AP1M2: variants seen among roughly 807,000 people sequenced by gnomAD.
The protein encoded by AP1M2 is adaptor related protein complex 1 subunit mu 2, also known as AP-1 complex subunit mu-2.
Under a neutral mutation model 54.6 loss-of-function variants are expected in AP1M2, and 41 were observed. That is an observed-to-expected ratio of 0.75 (90% CI 0.59 to 0.97). The LOEUF (loss-of-function observed/expected upper bound fraction) is 0.97. AP1M2 is among the 50% of genes least tolerant of loss of function. The pLI is 0.00. For synonymous variants in AP1M2, 219 were observed against 215.9 expected, an observed-to-expected ratio of 1.01 and a Z score of -0.13; for missense variants, 507 against 561.2, an observed-to-expected ratio of 0.90 and a Z score of 0.98.
rs1240815509 is a variant in AP1M2, at chr19:10,578,934, G to A, written c.846C>T (p.Val282=). 2.5e-6 allele frequency: 4 copies of A among 1,608,004 alleles called. No homozygotes were observed. Among genetic ancestry groups the A allele is most frequent in the Non-Finnish European group, 3.4e-6 (4 of 1,177,220 alleles). ...QVKPLIWIES[V]IEKFSHSRVE... is the part of the protein sequence containing the mutation. ...CGCGGCTGTGGGAGAACTTCTCAAT[G>A]ACAGACTCAATCCAGATCAGTGGCT... is the stretch of plus-strand genomic sequence containing the variant. The change falls in exon 8 of 12, where the codon GTC becomes GTT. Residue 282 remains valine (V), a synonymous_variant. Transcript: ENST00000250244.
At position 10,581,476 on chromosome 19, in the gene AP1M2, T is replaced by C. The variant is rs1917455681; in HGVS notation, c.546+11A>G. 2 of 1,613,430 alleles carry C rather than the reference T, an allele frequency of 1.2e-6. No homozygotes were observed. Among genetic ancestry groups the C allele is most frequent in the African/African-American group, 2.7e-5 (2 of 74,898 alleles). On this transcript the variant is annotated intron_variant, in intron 5 of 11. Coordinates refer to ENST00000250244, the MANE Select transcript of AP1M2 (RefSeq NM_005498.5). ...CCGTGGAAGGGGTGCCGGGGAGGTG[T>C]GCAGGCTCACCAGCAGGTTGACAGA...
At chr19:10,580,556 A>T (rs1157932619) in intron 6 of AP1M2, among the ~76,000 whole-genome samples, 3 of 152,210 alleles carry the variant, frequency 2.0e-5, no homozygotes, top group Admixed American at 1.3e-4. Context: ...CCAGCTACTC[A>T]GGAGGCTGAG....
At chr19:10,581,431 C>T (rs1917452306) in intron 5 of AP1M2, 39 bp from the exon 6 acceptor site, 1 of 1,610,072 alleles carries the variant, frequency 6.2e-7, no homozygotes, top group Non-Finnish European at 8.5e-7. Context: ...AGGCATCAAA[C>T]TCCGTCTCCT....
chr19:10,574,944 AC>A lies in AP1M2; in HGVS notation c.1132del (p.Val378SerfsTer18), dbSNP rs746389036. ...EEVEGRPPIG[V>X]KFEIPYFTVS... is the part of the protein sequence containing the mutation. Reference sequence around the variant, plus strand: ...GGTGAAGTAGGGGATCTCAAACTTGACCCCGATGGGGGGCCGGCCCTCCACC... The same window carrying A: ...GGTGAAGTAGGGGATCTCAAACTTGACCCGATGGGGGGCCGGCCCTCCACC... On this transcript the variant is annotated frameshift_variant, in exon 10 of 12. Transcript: ENST00000250244. LOFTEE classifies it high-confidence loss of function. The A allele has an allele frequency of 6.3e-7, 1 of 1,597,888 alleles. No individual in the cohort carries two copies. The highest frequency in any genetic ancestry group is 1.1e-5 in the South Asian group (1 of 89,366).
chr19:10,586,124 A>C (rs2144774553), intron 1 of AP1M2, among the ~76,000 whole-genome samples: 1 of 152,134 alleles, frequency 6.6e-6, no homozygotes, highest in East Asian at 1.9e-4. Context: ...TCTACTAAAG[A>C]TACAAAAAAT....
intron 9 of AP1M2, 85 bp from the exon 10 acceptor site, chr19:10,575,114 T>C (rs1917190132): frequency 7.5e-7 from 1 of 1,334,974 alleles, no homozygotes; most frequent in African/African-American, 1.5e-5. Context: ...GAGTCAGATC[T>C]GCTCACAGCC....
chr19:10,577,228 G>C lies in AP1M2; in HGVS notation c.1017C>G (p.Asn339Lys). The C allele has an allele frequency of 6.2e-7, 1 of 1,612,486 alleles. No homozygotes were observed. Among genetic ancestry groups the C allele is most frequent in the Non-Finnish European group, 8.5e-7 (1 of 1,179,356 alleles). Residue 339 changes from asparagine (N) to lysine (K), a missense_variant, in exon 9 of 12, where the codon AAC (asparagine) becomes AAG (lysine). Transcript: ENST00000250244. Reference protein sequence around the residue: ...VGSAKYVPERNVVIWSIKSFP... With the variant: ...VGSAKYVPERKVVIWSIKSFP... ...AAGACTTAATACTCCAAATCACGAC[G>C]TTTCTCTCCGGCACATACTTGGCGC...
chr19:10,572,839 CA>C lies in AP1M2; in HGVS notation c.*226del, dbSNP rs916744841. The C allele has an allele frequency of 4.2e-6, 2 of 472,676 alleles. No homozygotes were observed. The highest frequency in any genetic ancestry group is 3.4e-5 in the Admixed American group (1 of 29,414). The allele number at this position is 472,676 out of a possible 1,614,324, so 29.3% of individuals were successfully genotyped here. ...CCTCTTCTATTTCTTCATATAAAATCAGGGGGATGGGGAAAGCTCCAAGGGC... is the reference window on the plus strand; with the variant it reads ...CCTCTTCTATTTCTTCATATAAAATCGGGGGATGGGGAAAGCTCCAAGGGC... On this transcript the variant is annotated 3_prime_UTR_variant, in exon 12 of 12. Coordinates refer to ENST00000250244, the MANE Select transcript of AP1M2 (RefSeq NM_005498.5).
intron 1 of AP1M2, among the ~76,000 whole-genome samples, chr19:10,584,365 G>A (rs1917564496): frequency 6.6e-6 from 1 of 152,154 alleles, no homozygotes; most frequent in Admixed American, 6.6e-5. Context: ...TGGATCATGA[G>A]GTCAAGAGAT....
At chr19:10,576,324 G>A (rs563460234) in intron 9 of AP1M2, among the ~76,000 whole-genome samples, 105 of 145,484 alleles carry the variant, frequency 7.2e-4, no homozygotes, top group Admixed American at 1.7e-3. Context: ...GTGCAGTGGC[G>A]TGATCTCTGC....
intron 10 of AP1M2, among the ~76,000 whole-genome samples, 157 bp from the exon 11 acceptor site, chr19:10,574,649 C>T (rs969953126): frequency 4.6e-5 from 7 of 152,008 alleles, no homozygotes; most frequent in Non-Finnish European, 7.4e-5. Flanking sequence ...GCACAGGCAA[C>T]GGAATGGTGA....
rs972774943 is a variant in AP1M2, at chr19:10,581,023, G to A, written c.673+243C>T. 3.3e-5 allele frequency among the ~76,000 whole-genome samples: 5 copies of A among 152,268 alleles called. No individual in the cohort carries two copies. In the East Asian group the frequency reaches 7.7e-4, roughly 23 times the overall value. On this transcript the variant is annotated intron_variant, in intron 6 of 11. Transcript: ENST00000250244. ...AGTAGGATGTCATCTCTGTAAGAAC[G>A]CGGGTTTGTCTTTTTCTTCACTGCT...
At chr19:10,583,160 G>T (rs2360745) in intron 3 of AP1M2, among the ~76,000 whole-genome samples, 38,520 of 151,180 alleles carry the variant, frequency 0.25, 5,925 homozygotes, top group East Asian at 0.66. Flanking sequence ...GAGACAAGAA[G>T]TCACTTGCTC....
chr19:10,576,513 C>T (rs62128856), intron 9 of AP1M2, among the ~76,000 whole-genome samples: 2 of 151,804 alleles, frequency 1.3e-5, no homozygotes, highest in Admixed American at 6.6e-5. Context: ...CCGCCCACCT[C>T]GGCCTCCCAA....
At chr19:10,579,121 C>T (rs73018656) in intron 7 of AP1M2, among the ~76,000 whole-genome samples, 158 bp from the exon 8 acceptor site, 37,411 of 150,868 alleles carry the variant, frequency 0.25, 5,399 homozygotes, top group East Asian at 0.61. Context: ...ACCTCCTGGA[C>T]TAAAGCAATT....
chr19:10,579,213 G>A (rs1039579850), intron 7 of AP1M2, among the ~76,000 whole-genome samples: 2 of 151,686 alleles, frequency 1.3e-5, no homozygotes, highest in East Asian at 2.0e-4. Context: ...TCAGGAGATC[G>A]AGACCATCCT....
At chr19:10,581,706 AC>A in intron 4 of AP1M2, 41 bp downstream of exon 4, 1 of 1,611,088 alleles carries the variant, frequency 6.2e-7, no homozygotes, top group Non-Finnish European at 8.5e-7. Context: ...AGTTCCTTAC[AC>A]CCACAGTCCA....
chr19:10,578,817 G>T, intron 8 of AP1M2, 75 bp downstream of exon 8: 5 of 1,222,132 alleles, frequency 4.1e-6, no homozygotes, highest in Non-Finnish European at 5.9e-6. Flanking sequence ...CTCCCAAAGT[G>T]CTGGGATTAC....
chr19:10,583,663 G>A lies in AP1M2; in HGVS notation c.210C>T (p.Thr70=), dbSNP rs771776348. 1.1e-5 allele frequency: 17 copies of A among 1,613,204 alleles called. No individual in the cohort carries two copies. Among genetic ancestry groups the A allele is most frequent in the Admixed American group, 1.7e-5 (1 of 59,896 alleles). ...IKHSNLYLVA[T]TSKNANASLV... is the part of the protein sequence containing the mutation. The stretch of plus-strand genomic sequence containing the variant: ...GGGAGGCATTGGCATTCTTCGATGT[G>A]GTGGCCACCACTGGGGCAGCAAGGT... The change falls in exon 3 of 12, where the codon ACC becomes ACT. Residue 70 remains threonine, a synonymous_variant. Coordinates refer to ENST00000250244, the MANE Select transcript of AP1M2 (RefSeq NM_005498.5).
Sources: gnomAD v4.1 joint callset for allele counts (sites outside exome capture counted in the v4.1 genomes callset) on GRCh38, gnomAD v4.1.1 for gene constraint, MANE v1.5 for transcripts, NCBI Gene and HGNC (gene_info 2026-07-23, HGNC 2026-07-21) for gene names.